SV2C: variants seen among roughly 807,000 people sequenced by gnomAD.
SV2C encodes the protein solute carrier family 22 member B3.
Under a neutral mutation model 79.7 loss-of-function variants are expected in SV2C, and 49 were observed. That is an observed-to-expected ratio of 0.61 (90% CI 0.49 to 0.78). The LOEUF is 0.78. SV2C is among the 30% of genes least tolerant of loss of function. The pLI, the probability that SV2C is intolerant of heterozygous loss-of-function variation, is 0.00. For synonymous variants in SV2C, 334 were observed against 333.2 expected, an observed-to-expected ratio of 1.00 and a Z score of -0.03; for missense variants, 833 against 912.9, an observed-to-expected ratio of 0.91 and a Z score of 1.13.
the SV2C span, among the ~76,000 whole-genome samples, chr5:76,041,579 C>T: frequency 2.2e-4 from 33 of 152,138 alleles, no homozygotes; most frequent in African/African-American, 6.3e-4. Context: ...TTAGAGACAG[C>T]GAATGGGCTC....
the SV2C span, among the ~76,000 whole-genome samples, chr5:75,934,072 G>T: frequency 6.6e-6 from 1 of 152,084 alleles, no homozygotes; most frequent in Non-Finnish European, 1.5e-5. Context: ...ATTATATGGA[G>T]AATTTACTAC....
intron 4 of SV2C, among the ~76,000 whole-genome samples, chr5:76,279,101 G>A (rs768488698): frequency 2.6e-5 from 4 of 152,216 alleles, no homozygotes; most frequent in Non-Finnish European, 4.4e-5. Flanking sequence ...TTTGACACGT[G>A]TATCTGGGGT....
At chr5:75,898,320 G>C in the SV2C span, among the ~76,000 whole-genome samples, 1 of 152,312 alleles carries the variant, frequency 6.6e-6, no homozygotes, top group Non-Finnish European at 1.5e-5. Context: ...CATCTATTGA[G>C]ATAATCATGT....
chr5:75,934,014 G>T, the SV2C span, among the ~76,000 whole-genome samples: 1,043 of 152,310 alleles, frequency 6.8e-3, 14 homozygotes, highest in Admixed American at 0.039. Flanking sequence ...GACAGAGGCT[G>T]AGAACTTTAT....
intron 4 of SV2C, among the ~76,000 whole-genome samples, chr5:76,280,694 G>T (rs577388244): frequency 2.1e-3 from 314 of 152,286 alleles, no homozygotes; most frequent in African/African-American, 7.2e-3. Flanking sequence ...TCCCCGGGGG[G>T]TGCCTGGGAG....
At chr5:75,932,605 C>G in the SV2C span, among the ~76,000 whole-genome samples, 13 of 152,224 alleles carry the variant, frequency 8.5e-5, no homozygotes, top group Admixed American at 4.6e-4. Context: ...TCGTGAAGAG[C>G]AGAGAAACAG....
intron 4 of SV2C, among the ~76,000 whole-genome samples, chr5:76,239,807 T>C (rs976819289): frequency 6.6e-6 from 1 of 152,324 alleles, no homozygotes. Flanking sequence ...TTCTACAGCA[T>C]TCTGTTGCCA....
the SV2C span, among the ~76,000 whole-genome samples, chr5:76,000,976 ATGT>A: frequency 6.6e-6 from 1 of 151,438 alleles, no homozygotes; most frequent in Non-Finnish European, 1.5e-5. Context: ...TAGGAAGATG[ATGT>A]TGTAATTTAG....
the SV2C span, among the ~76,000 whole-genome samples, chr5:75,923,543 A>T: frequency 2.0e-5 from 3 of 152,172 alleles, no homozygotes; most frequent in Non-Finnish European, 4.4e-5. Context: ...TAGTATCCAC[A>T]CTCTATGAGA....
At chr5:76,019,814 A>G in the SV2C span, among the ~76,000 whole-genome samples, 1 of 152,184 alleles carries the variant, frequency 6.6e-6, no homozygotes, top group Non-Finnish European at 1.5e-5. Flanking sequence ...TTAAAACAGT[A>G]TAATACGAAT....
rs1749232101 is a variant in SV2C, at chr5:76,333,114, CG to C, written c.*7568del. On this transcript the variant is annotated 3_prime_UTR_variant, in exon 13 of 13. Transcript: ENST00000502798. ...CAAAGTGTCTCCCCTCTTGCGCCCA[CG>C]TAGTCATCCAAGAAGGAAACTCCTT... 2 of 152,194 alleles carry C rather than the reference CG, an allele frequency of 1.3e-5. No homozygotes were observed. Among genetic ancestry groups the C allele is most frequent in the Admixed American group, 1.3e-4 (2 of 15,280 alleles). 9.4% of individuals were successfully genotyped at this position (152,194 alleles called of 1,614,324 possible).
At chr5:76,285,639 T>A (rs1473162744) in intron 5 of SV2C, 142 bp from the exon 6 acceptor site, 10 of 670,982 alleles carry the variant, frequency 1.5e-5, no homozygotes, top group Non-Finnish European at 2.6e-5. Context: ...ATCCAAATAG[T>A]CTGTATGTTC....
downstream of SV2C, among the ~76,000 whole-genome samples, chr5:76,337,017 A>T (rs1379606741): frequency 1.3e-5 from 2 of 152,072 alleles, no homozygotes; most frequent in Admixed American, 1.3e-4. Flanking sequence ...AAGGCAACAT[A>T]AGTCTTGAGG....
At chr5:75,950,608 G>A in the SV2C span, among the ~76,000 whole-genome samples, 2 of 151,896 alleles carry the variant, frequency 1.3e-5, no homozygotes, top group Admixed American at 6.6e-5. Context: ...TAGACATATT[G>A]CTTTGAGAAT....
chr5:76,186,043 G>C (rs1447695731), intron 2 of SV2C, among the ~76,000 whole-genome samples: 1 of 152,114 alleles, frequency 6.6e-6, no homozygotes, highest in Non-Finnish European at 1.5e-5. Context: ...CTAGGGAAGG[G>C]GCAAAATGCC....
chr5:76,125,224 A>G (rs1748664530), intron 1 of SV2C, among the ~76,000 whole-genome samples: 1 of 152,222 alleles, frequency 6.6e-6, no homozygotes, highest in African/African-American at 2.4e-5. Context: ...TTCTATTTTT[A>G]TAGCAAGTCT....
At chr5:75,866,160 G>A in the SV2C span, among the ~76,000 whole-genome samples, 1 of 152,166 alleles carries the variant, frequency 6.6e-6, no homozygotes, top group South Asian at 2.1e-4. Context: ...CCTATTTTTC[G>A]TAACACGTTT....
chr5:76,223,491 A>ATATATGTATG (rs1745146188), intron 4 of SV2C, among the ~76,000 whole-genome samples: 1 of 37,502 alleles, frequency 2.7e-5, no homozygotes, highest in Non-Finnish European at 4.5e-5. Flanking sequence ...ATATATATAT[A>ATATATGTATG]TATATGTATA....
At chr5:76,298,992 T>C in intron 10 of SV2C, 65 bp downstream of exon 10, 2 of 1,556,822 alleles carry the variant, frequency 1.3e-6, no homozygotes, top group Admixed American at 1.8e-5. Flanking sequence ...GTGATAACCA[T>C]GTGATAATGT....
Sources: allele counts gnomAD v4.1 joint callset (sites outside exome capture counted in the v4.1 genomes callset), GRCh38; gene constraint gnomAD v4.1.1; transcripts MANE v1.5; gene names NCBI Gene and HGNC (gene_info 2026-07-23, HGNC 2026-07-21).